MYH16: variants seen among roughly 807,000 people sequenced by gnomAD.
MYH16 encodes putative uncharacterized protein MYH16.
At chr7:99,293,208 T>C in intron 32 of MYH16, among the ~76,000 whole-genome samples, 1 of 152,142 alleles carries the variant, frequency 6.6e-6, no homozygotes, top group Non-Finnish European at 1.5e-5. Context: ...TCTGAAAAAA[T>C]GGCCAAATTT....
chr7:99,278,705 C>T (rs1792153271), intron 21 of MYH16, among the ~76,000 whole-genome samples: 1 of 152,224 alleles, frequency 6.6e-6, no homozygotes, highest in Non-Finnish European at 1.5e-5. Context: ...AATTCCATCT[C>T]CAGTCCTCCC....
At chr7:99,275,729 CTAAT>C (rs1324585960) in intron 20 of MYH16, among the ~76,000 whole-genome samples, 1 of 152,146 alleles carries the variant, frequency 6.6e-6, no homozygotes. Flanking sequence ...AGGTCCTGTT[CTAAT>C]TAGTTTTTCT....
chr7:99,271,178 C>G (rs1463765920), intron 19 of MYH16: 1 of 152,530 alleles, frequency 6.6e-6, no homozygotes, highest in Non-Finnish European at 1.5e-5. Flanking sequence ...GCGTGGTGGG[C>G]CAGGGGTGGA....
intron 20 of MYH16, among the ~76,000 whole-genome samples, chr7:99,274,011 CA>C (rs915944677): frequency 6.6e-6 from 1 of 152,154 alleles, no homozygotes; most frequent in Non-Finnish European, 1.5e-5. Flanking sequence ...CCACCCCCAC[CA>C]AAAAAAGTGA....
At chr7:99,257,709 C>T (rs1480722710) in intron 10 of MYH16, among the ~76,000 whole-genome samples, 3 of 152,206 alleles carry the variant, frequency 2.0e-5, no homozygotes, top group Non-Finnish European at 2.9e-5. Context: ...TGCAGTCATG[C>T]AATCATGGCT....
intron 12 of MYH16, chr7:99,260,603 CAGATGGGAACATTGAGGCACAG>C (rs775056629): frequency 2.2e-4 from 55 of 249,252 alleles, no homozygotes; most frequent in Admixed American, 6.6e-4. Flanking sequence ...ACCCATTTCA[CAGATGGGAACATTGAGGCACAG>C]AGATGGGAAC....
intron 18 of MYH16, among the ~76,000 whole-genome samples, chr7:99,267,253 T>C (rs1209896939): frequency 6.6e-6 from 1 of 152,184 alleles, no homozygotes; most frequent in African/African-American, 2.4e-5. Flanking sequence ...TTTTGTTTTG[T>C]TTTGTTTGAG....
At chr7:99,278,756 G>A (rs1792154104) in intron 21 of MYH16, among the ~76,000 whole-genome samples, 3 of 152,166 alleles carry the variant, frequency 2.0e-5, no homozygotes, top group Non-Finnish European at 2.9e-5. Context: ...AGCATGTGTG[G>A]TGCTTGCATT....
exon 13 of MYH16, chr7:99,261,553 TC>T (rs1341222126): frequency 6.4e-6 from 1 of 155,044 alleles, no homozygotes; most frequent in African/African-American, 2.4e-5. Context: ...CCTGGGCAAG[TC>T]CAGCAACTTC....
chr7:99,300,960 C>T (rs1005439058), intron 37 of MYH16, among the ~76,000 whole-genome samples: 3 of 151,788 alleles, frequency 2.0e-5, no homozygotes, highest in Non-Finnish European at 4.4e-5. Flanking sequence ...TTTGGGAGGC[C>T]GAGGTGGGCA....
At chr7:99,284,371 G>T (rs963008922) in intron 25 of MYH16, among the ~76,000 whole-genome samples, 3 of 152,178 alleles carry the variant, frequency 2.0e-5, no homozygotes, top group Non-Finnish European at 4.4e-5. Context: ...CAGGAGGATG[G>T]CTTGAGGCCA....
chr7:99,306,770 G>A (rs1446477003), exon 42 of MYH16: 1 of 152,750 alleles, frequency 6.5e-6, no homozygotes, highest in Non-Finnish European at 1.5e-5. Context: ...TCATCCAGGT[G>A]TCCAAGACAG....
At chr7:99,273,764 AAGAGAGGAAAGGAAGGG>A (rs1217449732) in intron 20 of MYH16, among the ~76,000 whole-genome samples, 377 of 151,212 alleles carry the variant, frequency 2.5e-3, no homozygotes, top group African/African-American at 4.3e-3. Flanking sequence ...GAAAGTAAGA[AAGAGAGGAAAGGAAGGG>A]AGAGAGGAAA....
chr7:99,247,426 C>T (rs574906676), intron 2 of MYH16, among the ~76,000 whole-genome samples: 78 of 152,330 alleles, frequency 5.1e-4, no homozygotes, highest in Non-Finnish European at 9.7e-4. Context: ...CCACCTGCCT[C>T]GGTCTCCCAA....
At chr7:99,298,763 G>A (rs9656059) in intron 36 of MYH16, among the ~76,000 whole-genome samples, 13,810 of 142,210 alleles carry the variant, frequency 0.097, 1,660 homozygotes, top group African/African-American at 0.32. Context: ...TGGTTGTCTT[G>A]TCGCTTTTTT....
chr7:99,291,106 G>A, intron 30 of MYH16: 1 of 284,282 alleles, frequency 3.5e-6, no homozygotes, highest in South Asian at 3.1e-5. Context: ...GTCCATGCAG[G>A]TTACCTGGAT....
intron 36 of MYH16, 135 bp downstream of exon 17, chr7:99,298,130 A>G: frequency 2.7e-6 from 1 of 371,342 alleles, no homozygotes; most frequent in Non-Finnish European, 5.3e-6. Context: ...ATGTTTCCTC[A>G]TCTATGAAAT....
chr7:99,298,447 G>T (rs1391153742), intron 36 of MYH16, among the ~76,000 whole-genome samples: 1 of 152,066 alleles, frequency 6.6e-6, no homozygotes, highest in African/African-American at 2.4e-5. Context: ...TGGCCAGGTT[G>T]GTCTTGAACT....
intron 37 of MYH16, among the ~76,000 whole-genome samples, chr7:99,300,117 G>A (rs552918704): frequency 1.9e-4 from 29 of 151,628 alleles, no homozygotes; most frequent in African/African-American, 5.3e-4. Flanking sequence ...CCACCACCAC[G>A]CCCAGCTAAT....
Sources: gnomAD v4.1 joint callset for allele counts (sites outside exome capture counted in the v4.1 genomes callset) on GRCh38, gnomAD v4.1.1 for gene constraint, MANE v1.5 for transcripts, NCBI Gene and HGNC (gene_info 2026-07-23, HGNC 2026-07-21) for gene names.